The following NCKAP5 variants were observed in gnomAD, a reference collection of about 807,000 sequenced individuals.
NCKAP5 encodes nck-associated protein 5.
In NCKAP5, 92 loss-of-function variants were observed where a neutral mutation model predicts 167.0. The ratio of observed to expected loss-of-function variants is 0.55; its 90% CI spans 0.47 to 0.66. The LOEUF (loss-of-function observed/expected upper bound fraction) is 0.66, where lower values mean the gene tolerates loss of function less well. Among genes scored for constraint, NCKAP5 ranks in the 30% least tolerant of loss-of-function variants. The pLI is 0.00. For synonymous variants in NCKAP5, 891 were observed against 877.4 expected (o/e 1.02, Z -0.27); for missense variants, 2,378 against 2,315.0 (o/e 1.03, Z -0.56).
At chr2:133,626,964 T>C in the NCKAP5 span, among the ~76,000 whole-genome samples, 1 of 151,930 alleles carries the variant, frequency 6.6e-6, no homozygotes, top group African/African-American at 2.4e-5. Context: ...ACAAAATAGT[T>C]AAATGTTTAA....
chr2:133,566,909 C>T (rs1446295952), intron 1 of NCKAP5, among the ~76,000 whole-genome samples: 5 of 152,196 alleles, frequency 3.3e-5, no homozygotes, highest in African/African-American at 1.2e-4. Context: ...ATGGAGCTGA[C>T]AAAGAGGCAG....
At chr2:133,567,156 G>T (rs13426165) in intron 1 of NCKAP5, among the ~76,000 whole-genome samples, 1 of 152,172 alleles carries the variant, frequency 6.6e-6, no homozygotes, top group Non-Finnish European at 1.5e-5. Flanking sequence ...TCCGTGCAGC[G>T]GGCTGGGCTG....
At chr2:133,021,843 C>A (rs2078540425) in intron 6 of NCKAP5, among the ~76,000 whole-genome samples, 1 of 152,136 alleles carries the variant, frequency 6.6e-6, no homozygotes, top group South Asian at 2.1e-4. Context: ...TTTGCCCAGG[C>A]TGTTCTTGAA....
intron 16 of NCKAP5, 89 bp downstream of exon 16, chr2:132,773,727 A>T: frequency 1.9e-6 from 2 of 1,033,780 alleles, no homozygotes; most frequent in South Asian, 1.5e-5. Flanking sequence ...TGATAGAGGG[A>T]CATGGTCTCT....
chr2:133,399,503 T>C (rs1233289708), intron 3 of NCKAP5, among the ~76,000 whole-genome samples: 1 of 152,184 alleles, frequency 6.6e-6, no homozygotes, highest in Non-Finnish European at 1.5e-5. Context: ...TAGGCAAGAA[T>C]TCAAATTGCC....
chr2:132,731,810 G>C lies in NCKAP5; in HGVS notation c.5370C>G (p.Ser1790=), dbSNP rs1317392241. 1 of 1,613,934 alleles carries C rather than the reference G, an allele frequency of 6.2e-7. No homozygotes were observed. The highest frequency in any genetic ancestry group is 2.2e-5 in the East Asian group (1 of 44,856). ...TGGCGGTCATGATGGGGTCGGATGTGGAATGAACAATGGCGCTATCTGCAG... is the reference window on the plus strand; with the variant it reads ...TGGCGGTCATGATGGGGTCGGATGTCGAATGAACAATGGCGCTATCTGCAG... ...QRPADSAIVH[S]TSDPIMTARG... The change falls in exon 17 of 20, where the codon TCC becomes TCG. Residue 1790 remains serine, a synonymous_variant. Transcript: ENST00000409261.
At chr2:132,715,039 A>G (rs1157096383) in intron 19 of NCKAP5, 8 of 368,928 alleles carry the variant, frequency 2.2e-5, no homozygotes, top group Non-Finnish European at 4.3e-5. Context: ...TAGTAAGTGT[A>G]TATCTCTAGG....
chr2:132,735,447 C>G (rs1691420036), intron 16 of NCKAP5, among the ~76,000 whole-genome samples: 1 of 152,208 alleles, frequency 6.6e-6, no homozygotes. Flanking sequence ...CCTTCACCTT[C>G]CATCATGATT....
intron 8 of NCKAP5, among the ~76,000 whole-genome samples, chr2:132,955,572 G>T (rs1020754233): frequency 2.0e-5 from 3 of 152,162 alleles, no homozygotes; most frequent in Non-Finnish European, 4.4e-5. Flanking sequence ...GGGCATTTGG[G>T]TTGGTTCCAA....
chr2:133,382,335 C>T (rs1240515750), intron 3 of NCKAP5, among the ~76,000 whole-genome samples: 1 of 152,112 alleles, frequency 6.6e-6, no homozygotes, highest in Non-Finnish European at 1.5e-5. Context: ...TGTATTATGC[C>T]CCTCCCTCGA....
Position 132,988,834 on chromosome 2 carries a change from T to C in NCKAP5, c.429+5318A>G, listed in dbSNP as rs988677507. Among the ~76,000 whole-genome samples the C allele has an allele frequency of 2.0e-5, 3 of 152,336 alleles. No individual in the cohort carries two copies. In the East Asian group the frequency reaches 5.8e-4, roughly 29 times the overall value. On this transcript the variant is annotated intron_variant, in intron 7 of 19. Coordinates refer to ENST00000409261, the MANE Select transcript of NCKAP5 (RefSeq NM_207363.3). ...CCTAGAGGGTACTTGATTTTTCTCATATCTGGCCTACTTTAGCTATTTACA... is the reference window on the plus strand; with the variant it reads ...CCTAGAGGGTACTTGATTTTTCTCACATCTGGCCTACTTTAGCTATTTACA...
chr2:133,303,064 A>C lies in NCKAP5; in HGVS notation c.116T>G (p.Leu39Arg). ...CCAGAGACTCCTGTGTTGCTCCTCA[A>C]GCTGAGTCAGCAGATGCTCAATGTA... ...NKYIEHLLTQLEEQHRSLWRE... is the reference protein window; with the variant it reads ...NKYIEHLLTQREEQHRSLWRE... The change falls in exon 4 of 20, where the codon CTT becomes CGT. Residue 39 changes from leucine to arginine, a missense_variant. Coordinates refer to ENST00000409261, the MANE Select transcript of NCKAP5 (RefSeq NM_207363.3). 6.2e-7 allele frequency: 1 copy of C among 1,600,270 alleles called. No homozygotes were observed. The highest frequency in any genetic ancestry group is 8.5e-7 in the Non-Finnish European group (1 of 1,173,024).
At chr2:132,816,761 G>T (rs933810808) in intron 11 of NCKAP5, among the ~76,000 whole-genome samples, 2 of 152,136 alleles carry the variant, frequency 1.3e-5, no homozygotes, top group African/African-American at 4.8e-5. Flanking sequence ...CTATGGACCA[G>T]CTCTTAGCAA....
chr2:132,979,312 G>A (rs1228928109), intron 7 of NCKAP5, among the ~76,000 whole-genome samples: 1 of 152,050 alleles, frequency 6.6e-6, no homozygotes, highest in Non-Finnish European at 1.5e-5. Context: ...TTCTAGGAAG[G>A]TTTTTCCAGC....
Position 133,387,410 on chromosome 2 carries a change from G to C in NCKAP5, c.70-84300C>G, listed in dbSNP as rs1370134530. Among the ~76,000 whole-genome samples, 3 of 152,250 alleles carry C rather than the reference G, an allele frequency of 2.0e-5. No individual in the cohort carries two copies. The East Asian group carries it at 5.8e-4, about 29-fold the overall frequency. On this transcript the variant is annotated intron_variant, in intron 3 of 19. Coordinates refer to ENST00000409261, the MANE Select transcript of NCKAP5 (RefSeq NM_207363.3). ...CTGGCTCATAGAGTTTCTGCCGAGA[G>C]ATCAGCTGTTAGTCTGATGGGCTTC...
In NCKAP5 at chr2:132,783,534, T is replaced by A. The variant is rs16841277; in HGVS notation, c.3277A>T (p.Asn1093Tyr). 0.23 allele frequency: 366,280 copies of A among 1,613,612 alleles called. 43,430 individuals are homozygous for A. The highest frequency in any genetic ancestry group is 0.28 in the East Asian group (12,499 of 44,834). ...TTGGGGGGTGTGGAGGCGCTATCAT[T>A]CAATTGTCCTTTTCTCCCTGGAGAT... ...SVSPGRKGQL[N>Y]DSASTPPKPS... The change falls in exon 14 of 20, where the codon AAT becomes TAT. Residue 1093 changes from asparagine (N) to tyrosine (Y), a missense_variant. By Grantham distance (143) the Asn-to-Tyr change is moderately radical (BLOSUM62 -2). Transcript: ENST00000409261.
intron 3 of NCKAP5, among the ~76,000 whole-genome samples, chr2:133,318,044 G>A (rs998908022): frequency 6.6e-6 from 1 of 152,178 alleles, no homozygotes; most frequent in African/African-American, 2.4e-5. Context: ...GGGAAACAGT[G>A]GGAAAACAGG....
intron 4 of NCKAP5, chr2:133,267,301 C>G (rs1415579651): frequency 7.3e-6 from 1 of 137,834 alleles, no homozygotes; most frequent in Non-Finnish European, 1.7e-5. Context: ...GCCCCCACCC[C>G]CAGCCTCAGC....
chr2:133,335,485 G>C (rs1041133417), intron 3 of NCKAP5, among the ~76,000 whole-genome samples: 16 of 152,136 alleles, frequency 1.1e-4, no homozygotes, highest in African/African-American at 3.6e-4. Context: ...GTAGAAGTCA[G>C]CAATTACACT....
Sources: gnomAD v4.1 joint callset for allele counts (sites outside exome capture counted in the v4.1 genomes callset) on GRCh38, gnomAD v4.1.1 for gene constraint, MANE v1.5 for transcripts, NCBI Gene and HGNC (gene_info 2026-07-23, HGNC 2026-07-21) for gene names.